SPEF2: variants seen among roughly 807,000 people sequenced by gnomAD.
The protein encoded by SPEF2 is sperm flagella and cilia-associated protein 2.
SPEF2 carries 187 observed loss-of-function variants against 224.6 expected under a neutral mutation model. That is an observed-to-expected ratio of 0.83 (90% confidence interval 0.74 to 0.94). The LOEUF is 0.94. Ranked by LOEUF, SPEF2 falls within the 40% of genes least tolerant of loss-of-function variation. The pLI, the probability that SPEF2 is intolerant of heterozygous loss-of-function variation, is 0.00. For missense variants in SPEF2, 2,170 were observed against 2,135.6 expected (o/e 1.02, Z -0.32); for synonymous variants, 715 against 707.3 (o/e 1.01, Z -0.17).
At chr5:35,716,144 T>G (rs10079960) in intron 20 of SPEF2, among the ~76,000 whole-genome samples, 1 of 151,864 alleles carries the variant, frequency 6.6e-6, no homozygotes, top group Non-Finnish European at 1.5e-5. Context: ...CATTCTCAAA[T>G]GTCCAAACAT....
At position 35,746,028 on chromosome 5, in the gene SPEF2, G is replaced by A. The variant is rs115977792; in HGVS notation, c.3330+5761G>A. Among the ~76,000 whole-genome samples, 1,377 of 152,250 alleles carry A rather than the reference G, an allele frequency of 9.0e-3. 17 individuals are homozygous for A. The highest frequency in any genetic ancestry group is 0.032 in the African/African-American group (1,338 of 41,538). On this transcript the variant is annotated intron_variant, in intron 23 of 36. Transcript: ENST00000356031. ...TGCAGACAACCCCCAGTACCAACCCGGAGCAGGGTAGACTTACTGGGTGGC... is the reference window on the plus strand; with the variant it reads ...TGCAGACAACCCCCAGTACCAACCCAGAGCAGGGTAGACTTACTGGGTGGC...
intron 10 of SPEF2, among the ~76,000 whole-genome samples, chr5:35,677,404 A>G (rs1158584782): frequency 6.6e-6 from 1 of 152,200 alleles, no homozygotes; most frequent in Non-Finnish European, 1.5e-5. Context: ...CACCATCAGA[A>G]TTGTTTGGTG....
chr5:35,670,589 A>G, intron 10 of SPEF2: 2 of 988,696 alleles, frequency 2.0e-6, no homozygotes, highest in Non-Finnish European at 1.2e-6. Flanking sequence ...TTTCTTTTGT[A>G]ATCAATCTAA....
chr5:35,670,549 T>G (rs2149479689), intron 10 of SPEF2: 2 of 1,004,024 alleles, frequency 2.0e-6, no homozygotes, highest in East Asian at 2.0e-4. Flanking sequence ...GGCTGTGTAC[T>G]TTTGCTTCAA....
At chr5:35,705,908 T>C (rs1262157456) in intron 18 of SPEF2, 100 bp downstream of exon 18, 1 of 746,044 alleles carries the variant, frequency 1.3e-6, no homozygotes, top group Admixed American at 3.8e-5. Context: ...AGTTCTTTCT[T>C]ATCTTTGGAT....
At chr5:35,777,204 T>G (rs73747970) in intron 29 of SPEF2, among the ~76,000 whole-genome samples, 5,544 of 152,222 alleles carry the variant, frequency 0.036, 295 homozygotes, top group South Asian at 0.12. Context: ...AGCAACAATT[T>G]TCATGTAAAA....
chr5:35,649,512 G>T, intron 6 of SPEF2, 87 bp downstream of exon 6: 2 of 1,010,218 alleles, frequency 2.0e-6, no homozygotes, highest in Non-Finnish European at 2.9e-6. Context: ...TTATCTGGAA[G>T]AGCTATTCCA....
intron 28 of SPEF2, among the ~76,000 whole-genome samples, chr5:35,775,220 T>C (rs552127381): frequency 2.0e-5 from 3 of 152,048 alleles, no homozygotes; most frequent in Admixed American, 2.0e-4. Flanking sequence ...ATCGATTGTG[T>C]TTGAATCCAG....
intron 7 of SPEF2, among the ~76,000 whole-genome samples, chr5:35,656,380 C>T (rs1748956876): frequency 6.6e-6 from 1 of 152,150 alleles, no homozygotes; most frequent in African/African-American, 2.4e-5. Flanking sequence ...CTCTGCACAT[C>T]TCTTTGTGCT....
At chr5:35,668,778 G>GT (rs1370458648) in intron 9 of SPEF2, among the ~76,000 whole-genome samples, 23 of 151,804 alleles carry the variant, frequency 1.5e-4, no homozygotes, top group Non-Finnish European at 2.7e-4. Context: ...GATAGCTAAG[G>GT]TTTTTTTCTT....
intron 1 of SPEF2, among the ~76,000 whole-genome samples, chr5:35,619,448 C>T (rs1257110461): frequency 1.3e-5 from 2 of 151,978 alleles, no homozygotes; most frequent in Non-Finnish European, 2.9e-5. Context: ...TTTGGGAGGC[C>T]GAGGTGGGCA....
chr5:35,801,935 T>C (rs1757479334), intron 34 of SPEF2, among the ~76,000 whole-genome samples: 1 of 152,188 alleles, frequency 6.6e-6, no homozygotes, highest in Non-Finnish European at 1.5e-5. Flanking sequence ...CATTAATAGA[T>C]CAATTAATTA....
intron 19 of SPEF2, chr5:35,709,413 T>G: frequency 8.7e-7 from 1 of 1,154,204 alleles, no homozygotes; most frequent in Non-Finnish European, 1.1e-6. Flanking sequence ...AACAGGTAAC[T>G]TCAGGCAGAT....
intron 30 of SPEF2, among the ~76,000 whole-genome samples, chr5:35,787,562 T>C (rs1005231643): frequency 2.0e-5 from 3 of 152,124 alleles, no homozygotes; most frequent in African/African-American, 7.2e-5. Flanking sequence ...GTAACTCCGC[T>C]CCACCACTTA....
chr5:35,679,213 G>A (rs1349396694), intron 10 of SPEF2, among the ~76,000 whole-genome samples: 2 of 152,178 alleles, frequency 1.3e-5, no homozygotes, highest in East Asian at 3.9e-4. Flanking sequence ...TCTGGTAGGA[G>A]ACCAGGACAG....
intron 11 of SPEF2, among the ~76,000 whole-genome samples, chr5:35,691,863 A>C (rs1284594870): frequency 2.0e-5 from 3 of 152,018 alleles, no homozygotes; most frequent in Non-Finnish European, 4.4e-5. Context: ...GCAGTGGCAC[A>C]ATCTCGGCCC....
intron 28 of SPEF2, 42 bp from the exon 29 acceptor site, chr5:35,776,215 A>G (rs367894182): frequency 1.3e-6 from 2 of 1,571,010 alleles, no homozygotes; most frequent in Non-Finnish European, 1.7e-6. Context: ...AAATGCATGC[A>G]CTGCAATATG....
chr5:35,718,575 A>C (rs1743043339), intron 20 of SPEF2, among the ~76,000 whole-genome samples: 1 of 152,130 alleles, frequency 6.6e-6, no homozygotes. Context: ...TCCCACCATG[A>C]GTGCCAAAGC....
intron 4 of SPEF2, 92 bp from the exon 5 acceptor site, chr5:35,646,575 T>G: frequency 7.8e-7 from 1 of 1,281,906 alleles, no homozygotes; most frequent in Non-Finnish European, 1.1e-6. Flanking sequence ...AAATTTTCAA[T>G]AGATAAATTT....
Sources: allele counts gnomAD v4.1 joint callset (sites outside exome capture counted in the v4.1 genomes callset), GRCh38; gene constraint gnomAD v4.1.1; transcripts MANE v1.5; gene names NCBI Gene and HGNC (gene_info 2026-07-23, HGNC 2026-07-21).